The following FKBP9 variants were observed in gnomAD, a reference collection of about 807,000 sequenced individuals.
FKBP9 encodes peptidyl-prolyl cis-trans isomerase FKBP9.
A neutral mutation model predicts 55.6 loss-of-function variants in FKBP9; 27 were observed. The observed-to-expected ratio is 0.49, with a 90% CI of 0.36 to 0.67. The LOEUF (loss-of-function observed/expected upper bound fraction) is 0.67. FKBP9 is among the 30% of genes least tolerant of loss of function. The pLI is 0.00. For missense variants in FKBP9, 539 were observed against 742.8 expected (o/e 0.73, Z 3.19); for synonymous variants, 267 against 296.5 (o/e 0.90, Z 1.02).
intron 1 of FKBP9, among the ~76,000 whole-genome samples, chr7:32,973,443 C>G (rs1583847657): frequency 6.6e-6 from 1 of 151,934 alleles, no homozygotes; most frequent in Non-Finnish European, 1.5e-5. Context: ...CGTTGTTACA[C>G]AGATCCTGGG....
intron 5 of FKBP9, among the ~76,000 whole-genome samples, chr7:32,985,727 T>C (rs1784562571): frequency 6.6e-6 from 1 of 152,154 alleles, no homozygotes; most frequent in Non-Finnish European, 1.5e-5. Flanking sequence ...GCACGATGGC[T>C]TACACCTGTA....
chr7:32,965,812 AATATATATATAT>A (rs57598279), intron 1 of FKBP9, among the ~76,000 whole-genome samples: 1 of 34,936 alleles, frequency 2.9e-5, no homozygotes, highest in Admixed American at 5.4e-4. Context: ...AAAAAAAAAA[AATATATATATAT>A]ATATATATAT....
chr7:33,006,781 G>T lies in FKBP9; in HGVS notation c.*1430G>T, dbSNP rs1452796611. The T allele has an allele frequency of 4.8e-6, 1 of 206,302 alleles. No individual in the cohort carries two copies. The highest frequency in any genetic ancestry group is 2.3e-5 in the African/African-American group (1 of 43,804). 12.8% of individuals were successfully genotyped at this position (206,302 alleles called of 1,614,324 possible). On this transcript the variant is annotated 3_prime_UTR_variant, in exon 10 of 10. Transcript: ENST00000242209. ...TGGCACTTATCCTGAAGTCGTCAAT[G>T]ATTTCCCTTTGAAACTACTTTATTT...
chr7:32,968,123 T>A (rs918838959), intron 1 of FKBP9, among the ~76,000 whole-genome samples: 2 of 152,208 alleles, frequency 1.3e-5, no homozygotes, highest in African/African-American at 2.4e-5. Flanking sequence ...ACTGCAGCCT[T>A]GACCTCCTGA....
At chr7:32,988,364 G>C in intron 5 of FKBP9, 143 bp from the exon 6 acceptor site, 2 of 746,154 alleles carry the variant, frequency 2.7e-6, no homozygotes, top group East Asian at 5.1e-5. Flanking sequence ...ATGTTTCCTG[G>C]CTGTGTCGTC....
intron 1 of FKBP9, among the ~76,000 whole-genome samples, chr7:32,968,988 G>C (rs1263913953): frequency 6.6e-6 from 1 of 152,142 alleles, no homozygotes; most frequent in Non-Finnish European, 1.5e-5. Flanking sequence ...GCATTTCTCT[G>C]CTGTTTAGTG....
At position 32,974,113 on chromosome 7, in the gene FKBP9, C is replaced by T. The variant is rs564728117; in HGVS notation, c.222-504C>T. On this transcript the variant is annotated intron_variant, in intron 1 of 9. Transcript: ENST00000242209. The stretch of plus-strand genomic sequence containing the variant: ...CAAACTCTTGGGCTCAAGCGATCCT[C>T]CTACCTCAGCTTCCAAAGTAGCTGG... Among the ~76,000 whole-genome samples, 4 of 151,798 alleles carry T rather than the reference C, an allele frequency of 2.6e-5. No individual in the cohort carries two copies. The South Asian group carries it at 8.3e-4, about 32-fold the overall frequency.
chr7:32,996,260 C>A lies in FKBP9; in HGVS notation c.1137C>A (p.Pro379=), dbSNP rs1205670696. Residue 379 remains proline, a synonymous_variant, in exon 7 of 10, where the codon CCC becomes CCA. Coordinates refer to ENST00000242209, the MANE Select transcript of FKBP9 (RefSeq NM_007270.5). ...TCAGCATCACCTCCCACTACAAACC[C>A]CCTGACTGCTCAGTGCTGAGTAAGA... ...DSISITSHYK[P]PDCSVLSKKG... The A allele has an allele frequency of 4.3e-6, 7 of 1,614,140 alleles. No individual in the cohort carries two copies. The highest frequency in any genetic ancestry group is 5.9e-6 in the Non-Finnish European group (7 of 1,179,972).
At chr7:32,969,658 C>T (rs1280763113) in intron 1 of FKBP9, among the ~76,000 whole-genome samples, 1 of 152,118 alleles carries the variant, frequency 6.6e-6, no homozygotes, top group Non-Finnish European at 1.5e-5. Flanking sequence ...AAGTGTGAAG[C>T]CTCCAGTTTT....
At chr7:33,000,893 AC>A (rs1252199240) in intron 8 of FKBP9, among the ~76,000 whole-genome samples, 1 of 151,720 alleles carries the variant, frequency 6.6e-6, no homozygotes, top group Non-Finnish European at 1.5e-5. Flanking sequence ...CAATCTGCCC[AC>A]CTCAGTCTCC....
intron 1 of FKBP9, among the ~76,000 whole-genome samples, chr7:32,962,376 G>A (rs1419150773): frequency 2.6e-5 from 4 of 152,160 alleles, no homozygotes; most frequent in Non-Finnish European, 4.4e-5. Flanking sequence ...CCTGGGCAAC[G>A]AGAGCTAAAC....
At chr7:32,965,870 TAC>T (rs1420418767) in intron 1 of FKBP9, among the ~76,000 whole-genome samples, 4 of 35,970 alleles carry the variant, frequency 1.1e-4, no homozygotes, top group South Asian at 1.4e-3. Flanking sequence ...TATATATACA[TAC>T]ATATATATAT....
chr7:33,003,010 G>C (rs954349944), intron 9 of FKBP9, 171 bp downstream of exon 9: 6 of 609,026 alleles, frequency 9.9e-6, no homozygotes, highest in Non-Finnish European at 1.7e-5. Context: ...ACACCCTCTC[G>C]ATGGAAGCTC....
At chr7:33,004,035 T>G (rs929656583) in intron 9 of FKBP9, among the ~76,000 whole-genome samples, 1 of 152,048 alleles carries the variant, frequency 6.6e-6, no homozygotes, top group Non-Finnish European at 1.5e-5. Context: ...GTCAGTGGCA[T>G]CACTGGCCTC....
intron 3 of FKBP9, 87 bp from the exon 4 acceptor site, chr7:32,976,267 A>G: frequency 6.6e-7 from 1 of 1,514,448 alleles, no homozygotes; most frequent in Non-Finnish European, 9.2e-7. Flanking sequence ...CGTTTAGCTG[A>G]TATTTGGGTA....
At chr7:32,972,920 C>T (rs1260606368) in intron 1 of FKBP9, among the ~76,000 whole-genome samples, 1 of 152,156 alleles carries the variant, frequency 6.6e-6, no homozygotes, top group Non-Finnish European at 1.5e-5. Flanking sequence ...TGGGGTTTCA[C>T]CATGTTGGCC....
intron 1 of FKBP9, among the ~76,000 whole-genome samples, chr7:32,966,658 T>C (rs565742778): frequency 7.9e-5 from 12 of 152,200 alleles, no homozygotes; most frequent in African/African-American, 2.6e-4. Context: ...CTGGGTAATT[T>C]ATAAGAAAAG....
In FKBP9 at chr7:32,957,705, C is replaced by A; in HGVS notation, c.132C>A (p.Pro44=). 6.5e-7 allele frequency: 1 copy of A among 1,542,510 alleles called. No homozygotes were observed. Among genetic ancestry groups the A allele is most frequent in the South Asian group, 1.2e-5 (1 of 83,784 alleles). Residue 44 remains proline, a synonymous_variant, in exon 1 of 10, where the codon CCC becomes CCA. Transcript: ENST00000242209. ...AELQIERRFV[P]DECPRTVRSG... ...TGCAGATCGAGCGGCGCTTCGTGCC[C>A]GACGAGTGCCCGCGCACCGTGCGCA...
chr7:32,976,421 G>A lies in FKBP9; in HGVS notation c.625G>A (p.Gly209Arg), dbSNP rs1784364929. ...CTGGCTGATTCCTGGAATGGATAAAGGGCTGCTGGGGATGTGTGTGGGTGA... is the reference window on the plus strand; with the variant it reads ...CTGGCTGATTCCTGGAATGGATAAAAGGCTGCTGGGGATGTGTGTGGGTGA... ...IGWLIPGMDK[G>R]LLGMCVGEKR... The change falls in exon 4 of 10, where the codon GGG becomes AGG. Residue 209 changes from glycine to arginine, a missense_variant. Transcript: ENST00000242209. 4 of 1,613,886 alleles carry A rather than the reference G, an allele frequency of 2.5e-6. No homozygotes were observed. The Middle Eastern group carries it at 5.0e-4, about 200-fold the overall frequency.
Sources: allele counts gnomAD v4.1 joint callset (sites outside exome capture counted in the v4.1 genomes callset), GRCh38; gene constraint gnomAD v4.1.1; transcripts MANE v1.5; gene names NCBI Gene and HGNC (gene_info 2026-07-23, HGNC 2026-07-21).